CHD7: variants seen among roughly 807,000 people sequenced by gnomAD.
The protein encoded by CHD7 is chromodomain helicase DNA binding protein 7, also known as ATP-dependent chromatin remodeler CHD7.
Under a neutral mutation model 307.3 loss-of-function variants are expected in CHD7, and 24 were observed. The ratio of observed to expected loss-of-function variants is 0.08; its 90% CI spans 0.06 to 0.11. The LOEUF is 0.11. Ranked by LOEUF, CHD7 falls within the 10% of genes least tolerant of loss-of-function variation. The pLI is 1.00. For missense variants in CHD7, 3,106 were observed against 3,727.1 expected, an observed-to-expected ratio of 0.83 and a Z score of 4.34; for synonymous variants, 1,363 against 1,349.9, an observed-to-expected ratio of 1.01 and a Z score of -0.21.
intron 1 of CHD7, among the ~76,000 whole-genome samples, chr8:60,716,523 C>T (rs1432110548): frequency 6.6e-6 from 1 of 152,236 alleles, no homozygotes; most frequent in Non-Finnish European, 1.5e-5. Flanking sequence ...GCCTGCTGGG[C>T]TGACTCCTCA....
At chr8:60,715,147 C>A (rs1807526414) in intron 1 of CHD7, among the ~76,000 whole-genome samples, 3 of 152,188 alleles carry the variant, frequency 2.0e-5, no homozygotes. Flanking sequence ...GCCACATTGA[C>A]ACTATTTGCT....
intron 1 of CHD7, among the ~76,000 whole-genome samples, chr8:60,712,809 G>GCCCA (rs1807349495): frequency 6.6e-6 from 1 of 152,000 alleles, no homozygotes; most frequent in South Asian, 2.1e-4. Context: ...CAGCACTTTG[G>GCCCA]GAGGCTGAGT....
chr8:60,810,866 C>T (rs1450343661), intron 7 of CHD7, among the ~76,000 whole-genome samples: 1 of 152,180 alleles, frequency 6.6e-6, no homozygotes, highest in Non-Finnish European at 1.5e-5. Flanking sequence ...TGTTAGGAAC[C>T]TGGCCGCACA....
intron 32 of CHD7, chr8:60,855,097 A>G (rs1372925646): frequency 1.3e-5 from 2 of 152,236 alleles, no homozygotes; most frequent in Non-Finnish European, 2.9e-5. Flanking sequence ...TGAGGAAATA[A>G]TCATCCTAAT....
intron 4 of CHD7, among the ~76,000 whole-genome samples, chr8:60,795,624 GAACAAGCCAGTGACT>G (rs1024063714): frequency 3.3e-5 from 5 of 152,138 alleles, no homozygotes; most frequent in African/African-American, 7.2e-5. Flanking sequence ...AAGTTTCTAT[GAACAAGCCAGTGACT>G]TTCCAAATGG....
chr8:60,714,115 G>A (rs1807424858), intron 1 of CHD7, among the ~76,000 whole-genome samples: 1 of 152,030 alleles, frequency 6.6e-6, no homozygotes, highest in African/African-American at 2.4e-5. Flanking sequence ...GGGCTGGGCC[G>A]CGCTTCCGGG....
intron 2 of CHD7, among the ~76,000 whole-genome samples, chr8:60,761,236 G>A (rs573622979): frequency 2.0e-3 from 301 of 149,784 alleles, no homozygotes; most frequent in African/African-American, 5.9e-3. Flanking sequence ...GTAAACTATC[G>A]CAAGAACAAA....
At chr8:60,708,548 A>G (rs1807123515) in intron 1 of CHD7, among the ~76,000 whole-genome samples, 1 of 152,186 alleles carries the variant, frequency 6.6e-6, no homozygotes, top group South Asian at 2.1e-4. Context: ...CCTGGGATGC[A>G]GGCCTCCCCT....
chr8:60,742,617 C>T lies in CHD7; in HGVS notation c.1185C>T (p.Pro395=). The T allele has an allele frequency of 6.2e-7, 1 of 1,612,896 alleles. No individual in the cohort carries two copies. ...AGGGAACTTATGCCTCTCCACCTCC[C>T]ATGTCACCCATGAAAGCAATGAGTA... is the stretch of plus-strand genomic sequence containing the variant. ...QPQGTYASPP[P]MSPMKAMSNP... is the part of the protein sequence containing the mutation. The change falls in exon 2 of 38, where the codon CCC becomes CCT. Residue 395 remains proline (P), a synonymous_variant. Transcript: ENST00000423902.
At chr8:60,714,146 C>T (rs892263536) in intron 1 of CHD7, among the ~76,000 whole-genome samples, 1 of 151,854 alleles carries the variant, frequency 6.6e-6, no homozygotes, top group African/African-American at 2.4e-5. Context: ...GCCCGGAGCC[C>T]GCGCGAGGAC....
chr8:60,847,347 C>G (rs1419123044), intron 23 of CHD7, among the ~76,000 whole-genome samples: 1 of 152,180 alleles, frequency 6.6e-6, no homozygotes, highest in Admixed American at 6.5e-5. Flanking sequence ...AGACCTAGTT[C>G]CAGTTGTGCC....
chr8:60,849,159 G>A lies in CHD7; in HGVS notation c.5404+5G>A, dbSNP rs1255859560. 2 of 1,585,110 alleles carry A rather than the reference G, an allele frequency of 1.3e-6. No individual in the cohort carries two copies. The highest frequency in any genetic ancestry group is 1.7e-5 in the Admixed American group (1 of 59,694). On this transcript the variant is annotated splice_donor_5th_base_variant and intron_variant, in intron 25 of 37. Transcript: ENST00000423902. ...TAATTGGAGTGTTCAAACATGGTAA[G>A]TGACGTTTCTGTTTGAATACATCTC... is the stretch of plus-strand genomic sequence containing the variant.
At chr8:60,821,312 G>A (rs144751230) in intron 9 of CHD7, among the ~76,000 whole-genome samples, 34 of 152,106 alleles carry the variant, frequency 2.2e-4, no homozygotes, top group African/African-American at 6.3e-4. Context: ...TTTGGCTTTC[G>A]AACATCACTT....
In CHD7 at chr8:60,852,001, G is replaced by GT. The variant is rs776006991; in HGVS notation, c.5666-13dup. On this transcript the variant is annotated splice_polypyrimidine_tract_variant and intron_variant, in intron 28 of 37. Transcript: ENST00000423902. ...GATTGCAGCTACACATTTCAAAAAT[G>GT]TTTTTCCACTTCCCCAGGCAAGCAC... 36 of 1,569,188 alleles carry GT rather than the reference G, an allele frequency of 2.3e-5. No homozygotes were observed. The South Asian group carries it at 4.0e-4, about 17-fold the overall frequency.
At chr8:60,804,577 C>T (rs1412378248) in intron 6 of CHD7, among the ~76,000 whole-genome samples, 2 of 152,102 alleles carry the variant, frequency 1.3e-5, no homozygotes, top group South Asian at 2.1e-4. Context: ...GTAAAGTATA[C>T]AGTAGATAGG....
In CHD7 at chr8:60,781,309, C is replaced by A. The variant is rs1168851284; in HGVS notation, c.1975C>A (p.Pro659Thr). Residue 659 changes from proline (P) to threonine (T), a missense_variant, in exon 3 of 38, where the codon CCC (proline) becomes ACC (threonine). Coordinates refer to ENST00000423902, the MANE Select transcript of CHD7 (RefSeq NM_017780.4). ...AAAAGACCCGAAGGAACCGAAAGAA[C>A]CCAAGGAGAAAAAAGAGCCCAAGGA... ...AKKDPKEPKE[P>T]KEKKEPKEPK... The A allele has an allele frequency of 6.4e-7, 1 of 1,568,248 alleles. No individual in the cohort carries two copies. Among genetic ancestry groups the A allele is most frequent in the Non-Finnish European group, 8.6e-7 (1 of 1,157,644 alleles).
At chr8:60,710,975 T>C (rs774104524) in intron 1 of CHD7, among the ~76,000 whole-genome samples, 2 of 152,262 alleles carry the variant, frequency 1.3e-5, no homozygotes, top group Non-Finnish European at 1.5e-5. Flanking sequence ...TTTTTTTAAA[T>C]TCCTAGTCTT....
At chr8:60,749,128 T>G (rs1809494589) in intron 2 of CHD7, among the ~76,000 whole-genome samples, 1 of 151,706 alleles carries the variant, frequency 6.6e-6, no homozygotes, top group Non-Finnish European at 1.5e-5. Context: ...ATCCCAGCAC[T>G]TTGGGAGGTC....
intron 2 of CHD7, among the ~76,000 whole-genome samples, chr8:60,779,327 T>C (rs1811094542): frequency 6.6e-6 from 1 of 152,134 alleles, no homozygotes; most frequent in Admixed American, 6.5e-5. Context: ...TGCAATTGAG[T>C]GAAACCTGTG....
Sources: gnomAD v4.1 joint callset for allele counts (sites outside exome capture counted in the v4.1 genomes callset) on GRCh38, gnomAD v4.1.1 for gene constraint, MANE v1.5 for transcripts, NCBI Gene and HGNC (gene_info 2026-07-23, HGNC 2026-07-21) for gene names.